Variants in HSPA4 observed in about 807,000 individuals in gnomAD.
HSPA4 encodes the protein heat shock protein family A (Hsp70) member 4.
Under a neutral mutation model 106.2 loss-of-function variants are expected in HSPA4, and 25 were observed. That is an observed-to-expected ratio of 0.24 (90% CI 0.17 to 0.33). The LOEUF is 0.33. HSPA4 is among the 10% of genes least tolerant of loss of function. HSPA4 has a pLI of 1.00. For missense variants in HSPA4, 841 were observed against 996.0 expected (o/e 0.84, Z 2.10); for synonymous variants, 332 against 333.6 (o/e 1.00, Z 0.05).
At position 133,072,671 on chromosome 5, in the gene HSPA4, T is replaced by A. The variant is rs888057715; in HGVS notation, c.430-559T>A. Among the ~76,000 whole-genome samples, 8 of 151,396 alleles carry A rather than the reference T, an allele frequency of 5.3e-5. No individual in the cohort carries two copies. The East Asian group carries it at 1.4e-3, about 26-fold the overall frequency. ...ATCCACCCACCACGGCCCCCCAAAGTGCTGGGATTACAGGCGTGAGCCACC... is the reference window on the plus strand; with the variant it reads ...ATCCACCCACCACGGCCCCCCAAAGAGCTGGGATTACAGGCGTGAGCCACC... On this transcript the variant is annotated intron_variant, in intron 4 of 18. Coordinates refer to ENST00000304858, the MANE Select transcript of HSPA4 (RefSeq NM_002154.4).
chr5:133,064,149 A>G (rs761782259), intron 1 of HSPA4, among the ~76,000 whole-genome samples: 8 of 152,158 alleles, frequency 5.3e-5, no homozygotes, highest in Non-Finnish European at 1.0e-4. Context: ...AAATCAGGAG[A>G]TTGTGTATGA....
intron 2 of HSPA4, among the ~76,000 whole-genome samples, chr5:133,066,020 T>C (rs972218670): frequency 6.6e-6 from 1 of 152,212 alleles, no homozygotes; most frequent in African/African-American, 2.4e-5. Flanking sequence ...TGTTTTATAG[T>C]TCATTTTCAC....
chr5:133,101,308 G>C (rs1400797373), intron 16 of HSPA4, among the ~76,000 whole-genome samples: 1 of 152,054 alleles, frequency 6.6e-6, no homozygotes, highest in African/African-American at 2.4e-5. Flanking sequence ...TTGGATCATT[G>C]GTCCTGTAGG....
chr5:133,058,822 A>G (rs1319366446), intron 1 of HSPA4, among the ~76,000 whole-genome samples: 2 of 151,408 alleles, frequency 1.3e-5, no homozygotes, highest in Admixed American at 6.6e-5. Context: ...GCGAAACCCC[A>G]TCTCTACAAA....
intron 10 of HSPA4, 106 bp from the exon 11 acceptor site, chr5:133,089,456 A>G: frequency 1.0e-6 from 1 of 985,216 alleles, no homozygotes; most frequent in African/African-American, 1.6e-5. Context: ...TACCAATTGA[A>G]AAGAGAGAGA....
intron 13 of HSPA4, 52 bp from the exon 14 acceptor site, chr5:133,096,046 G>GT: frequency 2.7e-6 from 4 of 1,507,564 alleles, no homozygotes; most frequent in Non-Finnish European, 2.7e-6. Context: ...TCATTTTGAA[G>GT]TTTAAGGTAG....
Position 133,104,656 on chromosome 5 carries a change from A to G in HSPA4, c.*220A>G, listed in dbSNP as rs1765833241. The G allele has an allele frequency of 1.9e-6, 1 of 520,884 alleles. No individual in the cohort carries two copies. Among genetic ancestry groups the G allele is most frequent in the South Asian group, 2.2e-5 (1 of 45,838 alleles). 32.3% of individuals were successfully genotyped at this position (520,884 alleles called of 1,614,324 possible). A position where few individuals can be genotyped will look rare whatever the true frequency, so the allele number is the denominator to read the frequency against. ...TATCTTTTTCATAATGGTACTATTT[A>G]GAAGCCCAGTTAGTCTTACTGAGCT... On this transcript the variant is annotated 3_prime_UTR_variant, in exon 19 of 19. Transcript: ENST00000304858.
intron 1 of HSPA4, among the ~76,000 whole-genome samples, chr5:133,061,417 C>T (rs992583465): frequency 7.9e-5 from 11 of 139,922 alleles, no homozygotes; most frequent in East Asian, 7.8e-4. Context: ...CCACCGCGCC[C>T]GGCCGTGTTT....
chr5:133,080,417 CAAAAAAAAAAA>C (rs33998797), intron 7 of HSPA4, among the ~76,000 whole-genome samples: 3 of 68,140 alleles, frequency 4.4e-5, no homozygotes, highest in African/African-American at 1.6e-4. Flanking sequence ...GACCCTGTCT[CAAAAAAAAAAA>C]AAAAAAAAAA....
At position 133,106,124 on chromosome 5, in the gene HSPA4, T is replaced by TGG. The variant is rs1765857392; in HGVS notation, c.*1688_*1689insGG. 2.0e-4 allele frequency: 17 copies of TGG among 83,314 alleles called. 1 individual carries two copies. The highest frequency in any genetic ancestry group is 7.8e-4 in the African/African-American group (13 of 16,760). 5.2% of individuals were successfully genotyped at this position (83,314 alleles called of 1,614,324 possible). On this transcript the variant is annotated 3_prime_UTR_variant, in exon 19 of 19. Transcript: ENST00000304858. ...AAAATTTTTTTTTTTTTTTTTTTTT[T>TGG]TTTTTTTTTTTTTTTTGGTGTGTGT... is the stretch of plus-strand genomic sequence containing the variant.
At chr5:133,055,529 G>A (rs1765149906) in intron 1 of HSPA4, among the ~76,000 whole-genome samples, 1 of 152,010 alleles carries the variant, frequency 6.6e-6, no homozygotes, top group Non-Finnish European at 1.5e-5. Context: ...GTCTCATCCA[G>A]AAGAGACCCT....
chr5:133,101,077 A>AT (rs1425927865), intron 16 of HSPA4, among the ~76,000 whole-genome samples: 1 of 152,168 alleles, frequency 6.6e-6, no homozygotes, highest in Non-Finnish European at 1.5e-5. Flanking sequence ...AAGTGCTGGG[A>AT]TTACAGGCAT....
At chr5:133,063,811 G>A (rs1414670227) in intron 1 of HSPA4, among the ~76,000 whole-genome samples, 2 of 151,818 alleles carry the variant, frequency 1.3e-5, no homozygotes, top group African/African-American at 4.8e-5. Context: ...TGCCAGGCTG[G>A]AGTGCAGTGG....
intron 15 of HSPA4, among the ~76,000 whole-genome samples, chr5:133,098,040 G>C (rs1765737090): frequency 6.6e-6 from 1 of 151,752 alleles, no homozygotes; most frequent in Non-Finnish European, 1.5e-5. Flanking sequence ...TCATACCTAA[G>C]ATGGTAGTTT....
intron 1 of HSPA4, among the ~76,000 whole-genome samples, chr5:133,057,551 T>C (rs1377364542): frequency 6.6e-6 from 1 of 152,176 alleles, no homozygotes; most frequent in Non-Finnish European, 1.5e-5. Flanking sequence ...AATGAAACTA[T>C]ACCTTTTAAA....
At chr5:133,056,372 C>T (rs140200588) in intron 1 of HSPA4, among the ~76,000 whole-genome samples, 200 of 152,202 alleles carry the variant, frequency 1.3e-3, no homozygotes, top group African/African-American at 4.4e-3. Flanking sequence ...TATTTTTTGA[C>T]ACGGAGTCTG....
At chr5:133,076,281 C>T in intron 6 of HSPA4, 1 of 214,558 alleles carries the variant, frequency 4.7e-6, no homozygotes, top group East Asian at 1.0e-4. Context: ...GAAGTATGTA[C>T]ATGACATGTT....
At chr5:133,082,509 A>T (rs1371153528) in intron 7 of HSPA4, among the ~76,000 whole-genome samples, 1 of 152,150 alleles carries the variant, frequency 6.6e-6, no homozygotes, top group Non-Finnish European at 1.5e-5. Context: ...GTTGTCATGC[A>T]GTCTGGAGTG....
At chr5:133,072,498 C>G (rs1348600718) in intron 4 of HSPA4, among the ~76,000 whole-genome samples, 1 of 145,088 alleles carries the variant, frequency 6.9e-6, no homozygotes, top group African/African-American at 2.6e-5. Context: ...CTCCCAGGTT[C>G]AAGCCTCAAC....
Sources: allele counts gnomAD v4.1 joint callset (sites outside exome capture counted in the v4.1 genomes callset), GRCh38; gene constraint gnomAD v4.1.1; transcripts MANE v1.5; gene names NCBI Gene and HGNC (gene_info 2026-07-23, HGNC 2026-07-21).